Variants in IQANK1 observed in about 807,000 individuals in gnomAD.
The protein encoded by IQANK1 is IQ motif and ankyrin repeat domain-containing protein 1.
A neutral mutation model predicts 22.6 loss-of-function variants in IQANK1; 30 were observed. The ratio of observed to expected loss-of-function variants is 1.33; its 90% CI spans 0.99 to 1.80. The LOEUF is 1.80. Among genes scored for constraint, IQANK1 ranks in the 40% most tolerant of loss-of-function variants. The pLI, the probability that IQANK1 is intolerant of heterozygous loss-of-function variation, is 0.00. For synonymous variants in IQANK1, 122 were observed against 99.6 expected, an observed-to-expected ratio of 1.23 and a Z score of -1.34; for missense variants, 275 against 235.2, an observed-to-expected ratio of 1.17 and a Z score of -1.11.
At position 143,766,648 on chromosome 8, in the gene IQANK1, G is replaced by A. The variant is rs151248317; in HGVS notation, c.176-4840G>A. On this transcript the variant is annotated intron_variant, in intron 3 of 13. Transcript: ENST00000527139. ...ATCGAGTCACTGCACTCCAGCCTAC[G>A]TGACGGTGCGAGATTCTGTCTCACG... is the stretch of plus-strand genomic sequence containing the variant. Among the ~76,000 whole-genome samples the A allele has an allele frequency of 1.6e-3, 237 of 152,048 alleles. 1 individual carries two copies. Among genetic ancestry groups the A allele is most frequent in the Non-Finnish European group, 2.9e-3 (196 of 68,002 alleles).
intron 3 of IQANK1, among the ~76,000 whole-genome samples, chr8:143,757,210 A>G (rs1819309355): frequency 6.6e-6 from 1 of 152,240 alleles, no homozygotes; most frequent in Admixed American, 6.5e-5. Context: ...GCCAACTCAA[A>G]GCCACCAGAC....
Position 143,789,422 on chromosome 8 carries a change from G to A in IQANK1, c.994-14G>A, listed in dbSNP as rs1254768928. 6.6e-6 allele frequency: 8 copies of A among 1,215,096 alleles called. No individual in the cohort carries two copies. In the East Asian group the frequency reaches 9.5e-5, roughly 14 times the overall value. 75.3% of individuals were successfully genotyped at this position (1,215,096 alleles called of 1,614,324 possible). On this transcript the variant is annotated splice_polypyrimidine_tract_variant and intron_variant, in intron 9 of 13. Coordinates refer to ENST00000527139, the MANE Select transcript of IQANK1 (RefSeq NM_001381874.1). ...TGGCCAGCCTTGCCAGGGCCTGCCC[G>A]TACGCCCACCCAGCTGCAACAGGCC...
At position 143,774,859 on chromosome 8, in the gene IQANK1, G is replaced by T. The variant is rs1350985896; in HGVS notation, c.789+2377G>T. Among the ~76,000 whole-genome samples, 1 of 152,176 alleles carries T rather than the reference G, an allele frequency of 6.6e-6. No homozygotes were observed. The highest frequency in any genetic ancestry group is 1.9e-4 in the East Asian group (1 of 5,208). On this transcript the variant is annotated intron_variant, in intron 7 of 13. Coordinates refer to ENST00000527139, the MANE Select transcript of IQANK1 (RefSeq NM_001381874.1). The surrounding 1 kb of genome is among the most constrained non-coding windows in gnomAD (Gnocchi z 4.2). ...CATGATCCATGCAACAACTAGCAAC[G>T]TGGAGAAACCGGAAGGGAGCTTCAC...
chr8:143,738,667 G>C (rs996654146), intron 2 of IQANK1, among the ~76,000 whole-genome samples: 1 of 152,228 alleles, frequency 6.6e-6, no homozygotes, highest in East Asian at 1.9e-4. Context: ...GGGCGTGCCT[G>C]GTCCTGCCCT....
intron 7 of IQANK1, among the ~76,000 whole-genome samples, chr8:143,788,595 A>G (rs1289327241): frequency 6.6e-6 from 1 of 152,226 alleles, no homozygotes; most frequent in Non-Finnish European, 1.5e-5. Flanking sequence ...TGAGTCTGAC[A>G]GAGGCGGGAA....
At chr8:143,741,977 G>GC in intron 3 of IQANK1, 1 of 236,940 alleles carries the variant, frequency 4.2e-6, no homozygotes, top group East Asian at 9.7e-5. Context: ...CACCATTCCT[G>GC]CCCCCATGCC....
intron 7 of IQANK1, among the ~76,000 whole-genome samples, chr8:143,782,968 G>A (rs782146304): frequency 1.3e-5 from 2 of 152,116 alleles, no homozygotes; most frequent in Non-Finnish European, 1.5e-5. Context: ...TTCTATCACA[G>A]GCTATATTCG....
chr8:143,743,873 C>G (rs781894908), intron 3 of IQANK1: 2 of 425,626 alleles, frequency 4.7e-6, no homozygotes, highest in South Asian at 3.4e-5. Flanking sequence ...GAGTTTCGCT[C>G]TGTTGCCAGG....
At chr8:143,761,585 C>T (rs1309927553) in intron 3 of IQANK1, among the ~76,000 whole-genome samples, 2 of 152,090 alleles carry the variant, frequency 1.3e-5, no homozygotes, top group Non-Finnish European at 2.9e-5. Context: ...ACCTGGGCAA[C>T]ATAGTAAGAC....
At chr8:143,782,462 TCTTG>T (rs1264593530) in intron 7 of IQANK1, among the ~76,000 whole-genome samples, 4 of 142,710 alleles carry the variant, frequency 2.8e-5, no homozygotes, top group African/African-American at 4.9e-5. Context: ...GTGCTTACTT[TCTTG>T]CTTTTCTTTT....
At chr8:143,736,387 C>T (rs1011386096) in intron 2 of IQANK1, among the ~76,000 whole-genome samples, 34 of 152,130 alleles carry the variant, frequency 2.2e-4, no homozygotes, top group African/African-American at 7.0e-4. Context: ...TCAGGTGATC[C>T]GCCCGCCTCG....
chr8:143,767,056 G>C (rs782273356), intron 3 of IQANK1, among the ~76,000 whole-genome samples: 4 of 152,248 alleles, frequency 2.6e-5, no homozygotes, highest in African/African-American at 9.6e-5. Context: ...TGTCTTCACC[G>C]ACATGAGGTC....
At chr8:143,739,316 A>G (rs1281866443) in intron 2 of IQANK1, 1 of 152,402 alleles carries the variant, frequency 6.6e-6, no homozygotes, top group East Asian at 1.9e-4. Flanking sequence ...CCAGGGCCCC[A>G]TCCCAGCCGG....
intron 2 of IQANK1, among the ~76,000 whole-genome samples, 178 bp downstream of exon 2, chr8:143,736,116 C>T (rs1221897148): frequency 2.6e-5 from 4 of 151,340 alleles, no homozygotes; most frequent in Non-Finnish European, 5.9e-5. Flanking sequence ...CCCATTCATT[C>T]ATCTCAGACC....
At position 143,758,873 on chromosome 8, in the gene IQANK1, C is replaced by T. The variant is rs1554628678; in HGVS notation, c.176-12615C>T. ...GAGAGGTGGTCAAAGCCAAGGTTTC[C>T]CTGCGCTGCCTTTGTCTTCTTCCCA... is the stretch of plus-strand genomic sequence containing the variant. On this transcript the variant is annotated intron_variant, in intron 3 of 13. Coordinates refer to ENST00000527139, the MANE Select transcript of IQANK1 (RefSeq NM_001381874.1). The surrounding 1 kb of genome is among the most constrained non-coding windows in gnomAD (Gnocchi z 4.2). 1 of 155,822 alleles carries T rather than the reference C, an allele frequency of 6.4e-6. No individual in the cohort carries two copies. Among genetic ancestry groups the T allele is most frequent in the Non-Finnish European group, 1.4e-5 (1 of 70,470 alleles). 9.7% of individuals were successfully genotyped at this position (155,822 alleles called of 1,614,324 possible).
intron 7 of IQANK1, among the ~76,000 whole-genome samples, chr8:143,773,063 T>C (rs1172122114): frequency 6.6e-6 from 1 of 152,160 alleles, no homozygotes; most frequent in Admixed American, 6.5e-5. Flanking sequence ...CTCAGCACTT[T>C]TGGGAGACTG....
chr8:143,751,160 G>A (rs1055333495), intron 3 of IQANK1, among the ~76,000 whole-genome samples: 5 of 152,050 alleles, frequency 3.3e-5, no homozygotes, highest in African/African-American at 1.2e-4. Context: ...ACTCCTTTCA[G>A]TTGCTGATGT....
At chr8:143,753,491 T>C (rs1454826466) in intron 3 of IQANK1, among the ~76,000 whole-genome samples, 1 of 150,354 alleles carries the variant, frequency 6.7e-6, no homozygotes. Flanking sequence ...GGAGTCTCGC[T>C]GTCTCAGGCT....
chr8:143,766,477 C>T (rs7829793), intron 3 of IQANK1, among the ~76,000 whole-genome samples: 87,556 of 151,482 alleles, frequency 0.58, 30,382 homozygotes, highest in Non-Finnish European at 0.77. Context: ...TCAAGACCAG[C>T]CTGGCCAACA....
Sources: allele counts gnomAD v4.1 joint callset (sites outside exome capture counted in the v4.1 genomes callset), GRCh38; gene constraint gnomAD v4.1.1; non-coding constraint Gnocchi (gnomAD v3.1); transcripts MANE v1.5; gene names NCBI Gene and HGNC (gene_info 2026-07-23, HGNC 2026-07-21).